Variants in LMBR1 observed in about 807,000 individuals in gnomAD.
LMBR1 encodes limb development membrane protein 1, also known as limb region 1 protein homolog.
A neutral mutation model predicts 73.9 loss-of-function variants in LMBR1; 52 were observed. That is an observed-to-expected ratio of 0.70 (90% CI 0.56 to 0.89). The LOEUF (loss-of-function observed/expected upper bound fraction) is 0.89. LMBR1 is among the 40% of genes least tolerant of loss of function. The probability of loss-of-function intolerance (pLI) is 0.00; values close to 1 mark genes in which losing one functional copy is unlikely to be tolerated. For synonymous variants in LMBR1, 215 were observed against 209.4 expected, an observed-to-expected ratio of 1.03 and a Z score of -0.23; for missense variants, 539 against 579.8, an observed-to-expected ratio of 0.93 and a Z score of 0.72.
chr7:156,760,824 C>A (rs1386849234), intron 8 of LMBR1, among the ~76,000 whole-genome samples: 1 of 152,172 alleles, frequency 6.6e-6, no homozygotes, highest in East Asian at 1.9e-4. Flanking sequence ...TATAACACTT[C>A]CTCAGTATTT....
At chr7:156,885,666 C>T (rs1801769482) in intron 1 of LMBR1, among the ~76,000 whole-genome samples, 1 of 152,086 alleles carries the variant, frequency 6.6e-6, no homozygotes, top group Admixed American at 6.6e-5. Flanking sequence ...CACTTGAGGT[C>T]AGGAGTTTGA....
intron 4 of LMBR1, among the ~76,000 whole-genome samples, chr7:156,820,005 G>A (rs1834504622): frequency 6.6e-6 from 1 of 152,156 alleles, no homozygotes; most frequent in Admixed American, 6.5e-5. Context: ...TTCTTAGAGG[G>A]ATTTCAGAGA....
intron 3 of LMBR1, among the ~76,000 whole-genome samples, chr7:156,832,955 A>G (rs952901408): frequency 1.3e-5 from 2 of 152,232 alleles, no homozygotes; most frequent in African/African-American, 4.8e-5. Flanking sequence ...CATTATTGGG[A>G]TAACTAGTAA....
chr7:156,804,421 G>A (rs928344942), intron 4 of LMBR1, among the ~76,000 whole-genome samples: 2 of 152,214 alleles, frequency 1.3e-5, no homozygotes, highest in Non-Finnish European at 2.9e-5. Context: ...TCATATGGTA[G>A]ATACCTGTTT....
intron 1 of LMBR1, among the ~76,000 whole-genome samples, chr7:156,873,711 A>G (rs1404450524): frequency 6.6e-6 from 1 of 152,136 alleles, no homozygotes; most frequent in East Asian, 1.9e-4. Context: ...CGATTGGTGC[A>G]TTCACAAACC....
At chr7:156,674,579 T>C (rs1346727966), downstream of LMBR1, among the ~76,000 whole-genome samples, 1 of 152,154 alleles carries the variant, frequency 6.6e-6, no homozygotes, top group Non-Finnish European at 1.5e-5. Flanking sequence ...CAGACCTTTC[T>C]AGTGTAGGAT....
At chr7:156,761,976 C>CAAAAAAAAAAAAAAAAAAAA (rs552712592) in intron 8 of LMBR1, among the ~76,000 whole-genome samples, 158 bp downstream of exon 8, 1 of 104,204 alleles carries the variant, frequency 9.6e-6, no homozygotes, top group African/African-American at 4.0e-5. Context: ...GACTCTGTCT[C>CAAAAAAAAAAAAAAAAAAAA]AAAAAAAAAA....
intron 2 of LMBR1, among the ~76,000 whole-genome samples, chr7:156,836,054 A>G (rs952795932): frequency 1.3e-5 from 2 of 152,360 alleles, no homozygotes; most frequent in South Asian, 2.1e-4. Context: ...GTGCAGTCAC[A>G]GAGCCAAGTA....
chr7:156,884,052 C>CCT (rs1164088133), intron 1 of LMBR1, among the ~76,000 whole-genome samples: 4 of 152,230 alleles, frequency 2.6e-5, no homozygotes, highest in African/African-American at 9.6e-5. Flanking sequence ...AACCTCTATA[C>CCT]CTCTATCCCA....
intron 4 of LMBR1, among the ~76,000 whole-genome samples, chr7:156,811,057 C>T (rs538297779): frequency 1.4e-3 from 209 of 151,984 alleles, no homozygotes; most frequent in Non-Finnish European, 2.4e-3. Context: ...GTGATCCACC[C>T]ACCTCAGCCT....
intron 5 of LMBR1, among the ~76,000 whole-genome samples, chr7:156,767,354 G>A (rs543930639): frequency 9.2e-5 from 14 of 151,756 alleles, no homozygotes; most frequent in African/African-American, 3.4e-4. Context: ...TATAAATAAC[G>A]ATATATATAG....
downstream of LMBR1, chr7:156,676,245 G>GTGTATA (rs57844131): frequency 1.2e-4 from 184 of 1,505,126 alleles, no homozygotes; most frequent in Middle Eastern, 3.9e-4. Flanking sequence ...ATATGTGTGT[G>GTGTATA]TATATATATA....
At chr7:156,794,285 G>A (rs1357681515) in intron 5 of LMBR1, among the ~76,000 whole-genome samples, 1 of 152,106 alleles carries the variant, frequency 6.6e-6, no homozygotes, top group Non-Finnish European at 1.5e-5. Flanking sequence ...TGTATAAAAA[G>A]ACTAAAAATT....
intron 1 of LMBR1, among the ~76,000 whole-genome samples, chr7:156,866,552 G>A (rs747910393): frequency 8.2e-4 from 124 of 150,788 alleles, no homozygotes; most frequent in Non-Finnish European, 1.4e-3. Flanking sequence ...GAATATGCAG[G>A]ATGACTAAGA....
chr7:156,749,757 T>TCA (rs1820493593), intron 9 of LMBR1, among the ~76,000 whole-genome samples: 1 of 152,138 alleles, frequency 6.6e-6, no homozygotes, highest in Non-Finnish European at 1.5e-5. Flanking sequence ...TGGCGTGATC[T>TCA]CGGCTCACTG....
At chr7:156,832,037 C>T (rs548669088) in intron 3 of LMBR1, among the ~76,000 whole-genome samples, 1 of 152,296 alleles carries the variant, frequency 6.6e-6, no homozygotes, top group Non-Finnish European at 1.5e-5. Flanking sequence ...AAATGATTCA[C>T]TTAATTTTCA....
At chr7:156,791,833 C>A (rs1829284018) in intron 5 of LMBR1, among the ~76,000 whole-genome samples, 1 of 152,092 alleles carries the variant, frequency 6.6e-6, no homozygotes. Context: ...GCTTATGTTA[C>A]CTTTTATGCT....
Position 156,728,708 on chromosome 7 carries a change from T to C in LMBR1, c.851A>G (p.Lys284Arg). ...TLKTKLERRK[K>R]ASAWERNLVY... ...CAAATTTCTTTCCCATGCTGAAGCC[T>C]TTTTTCGCCTCTCTATTAAAAGGAA... Residue 284 changes from lysine (K) to arginine (R), a missense_variant, in exon 11 of 17, where the codon AAG becomes AGG. Transcript: ENST00000353442. 1.3e-6 allele frequency: 2 copies of C among 1,592,990 alleles called. No homozygotes were observed. Among genetic ancestry groups the C allele is most frequent in the Admixed American group, 1.8e-5 (1 of 55,880 alleles).
intron 1 of LMBR1, among the ~76,000 whole-genome samples, chr7:156,879,960 A>G (rs902525751): frequency 2.0e-5 from 3 of 152,226 alleles, no homozygotes; most frequent in Admixed American, 6.5e-5. Context: ...TAAAGAACTA[A>G]AAGTAGAACT....
Sources: allele counts gnomAD v4.1 joint callset (sites outside exome capture counted in the v4.1 genomes callset), GRCh38; gene constraint gnomAD v4.1.1; transcripts MANE v1.5; gene names NCBI Gene and HGNC (gene_info 2026-07-23, HGNC 2026-07-21).